The following CTNNA3 variants were observed in gnomAD, a reference collection of about 807,000 sequenced individuals.
CTNNA3 encodes catenin alpha 3, also known as catenin alpha-3.
CTNNA3 carries 76 observed loss-of-function variants against 95.7 expected under a neutral mutation model. The observed-to-expected ratio is 0.79, with a 90% CI of 0.66 to 0.96. The LOEUF (loss-of-function observed/expected upper bound fraction) is 0.96, where lower values mean the gene tolerates loss of function less well. CTNNA3 is among the 40% of genes least tolerant of loss of function. The pLI is 0.00. For missense variants in CTNNA3, 1,191 were observed against 1,089.8 expected, an observed-to-expected ratio of 1.09 and a Z score of -1.31; for synonymous variants, 431 against 374.4, an observed-to-expected ratio of 1.15 and a Z score of -1.74.
chr10:66,845,467 GC>G (rs1325764995), intron 7 of CTNNA3, among the ~76,000 whole-genome samples: 1 of 151,964 alleles, frequency 6.6e-6, no homozygotes, highest in Non-Finnish European at 1.5e-5. Context: ...ACTTTGGGAG[GC>G]CGAGGCAGGT....
intron 5 of CTNNA3, among the ~76,000 whole-genome samples, chr10:67,350,274 G>GTT (rs1375114038): frequency 2.6e-5 from 4 of 151,996 alleles, no homozygotes; most frequent in Admixed American, 1.3e-4. Context: ...AATCAGTAAA[G>GTT]GGTCATGAAC....
At chr10:67,176,934 CA>C (rs754435090) in intron 7 of CTNNA3, 1 of 507,596 alleles carries the variant, frequency 2.0e-6, no homozygotes, top group Non-Finnish European at 3.9e-6. Flanking sequence ...ATTCCTCCAA[CA>C]ATTTGATTTT....
intron 11 of CTNNA3, among the ~76,000 whole-genome samples, chr10:66,433,493 T>C: frequency 6.6e-6 from 1 of 152,204 alleles, no homozygotes; most frequent in Non-Finnish European, 1.5e-5. Flanking sequence ...TTGATGGGGT[T>C]GTTTTTCTCT....
At chr10:67,428,805 C>T (rs963974615) in intron 5 of CTNNA3, among the ~76,000 whole-genome samples, 35 of 152,074 alleles carry the variant, frequency 2.3e-4, no homozygotes, top group African/African-American at 8.0e-4. Context: ...TGGGGCTAGC[C>T]TACCAGCCTA....
intron 13 of CTNNA3, among the ~76,000 whole-genome samples, chr10:66,197,223 A>G (rs1455661580): frequency 6.6e-6 from 1 of 152,228 alleles, no homozygotes; most frequent in Non-Finnish European, 1.5e-5. Flanking sequence ...CAAAAAAACA[A>G]AACAGAGTGT....
At chr10:66,254,400 T>C (rs7097503) in intron 13 of CTNNA3, among the ~76,000 whole-genome samples, 67,916 of 151,894 alleles carry the variant, frequency 0.45, 16,330 homozygotes, top group African/African-American at 0.63. Context: ...AAAATATCTA[T>C]AAATGTAATC....
At chr10:66,681,809 C>CT (rs751839258) in intron 9 of CTNNA3, among the ~76,000 whole-genome samples, 1 of 152,050 alleles carries the variant, frequency 6.6e-6, no homozygotes, top group Non-Finnish European at 1.5e-5. Context: ...CTGATTTTTT[C>CT]TTTTCATGTA....
At chr10:66,926,303 T>G in intron 7 of CTNNA3, 7 of 439,118 alleles carry the variant, frequency 1.6e-5, no homozygotes, top group African/African-American at 2.1e-5. Flanking sequence ...CAAAAAACTG[T>G]AAAGATGCAA....
chr10:66,690,093 A>G (rs1248342136), intron 9 of CTNNA3, among the ~76,000 whole-genome samples: 2 of 152,100 alleles, frequency 1.3e-5, no homozygotes, highest in Non-Finnish European at 2.9e-5. Context: ...AGGAGTCTTA[A>G]AGCTTAATAA....
At chr10:66,241,395 C>T (rs182302951) in intron 13 of CTNNA3, among the ~76,000 whole-genome samples, 132 of 151,868 alleles carry the variant, frequency 8.7e-4, no homozygotes, top group African/African-American at 3.1e-3. Flanking sequence ...TAAAGGTTGA[C>T]CTTTTCAATC....
At chr10:66,000,436 C>A (rs1030549590) in intron 15 of CTNNA3, among the ~76,000 whole-genome samples, 3 of 152,042 alleles carry the variant, frequency 2.0e-5, no homozygotes, top group South Asian at 2.1e-4. Context: ...GTCATTTTGT[C>A]TTTTTAAGGA....
chr10:66,091,835 G>GA (rs1025607041), intron 14 of CTNNA3, among the ~76,000 whole-genome samples: 9 of 149,292 alleles, frequency 6.0e-5, no homozygotes, highest in Admixed American at 2.0e-4. Flanking sequence ...ATTCCTTGAG[G>GA]AAAAAAAAAT....
intron 13 of CTNNA3, among the ~76,000 whole-genome samples, chr10:66,136,199 G>T (rs1048537618): frequency 6.6e-6 from 1 of 152,140 alleles, no homozygotes; most frequent in African/African-American, 2.4e-5. Context: ...ACCGCGCCAG[G>T]CCACGTAACA....
intron 15 of CTNNA3, among the ~76,000 whole-genome samples, chr10:66,053,463 G>A (rs2080006398): frequency 6.6e-6 from 1 of 151,888 alleles, no homozygotes; most frequent in Admixed American, 6.6e-5. Flanking sequence ...ACGCATCATG[G>A]AGCATGGGGT....
chr10:67,571,389 C>T (rs1841971105), intron 3 of CTNNA3, among the ~76,000 whole-genome samples: 8 of 152,030 alleles, frequency 5.3e-5, no homozygotes, highest in Admixed American at 5.2e-4. Flanking sequence ...TTTGAAATTG[C>T]TTGAGAATAA....
At chr10:66,947,953 T>A (rs190562431) in intron 7 of CTNNA3, among the ~76,000 whole-genome samples, 2 of 152,220 alleles carry the variant, frequency 1.3e-5, no homozygotes, top group Non-Finnish European at 2.9e-5. Context: ...CTAGGCTATA[T>A]GGTATAGGCT....
At chr10:66,760,710 A>G (rs1322690418) in intron 9 of CTNNA3, among the ~76,000 whole-genome samples, 1 of 152,182 alleles carries the variant, frequency 6.6e-6, no homozygotes, top group African/African-American at 2.4e-5. Flanking sequence ...AGAAATCACT[A>G]CAACATGGAA....
intron 10 of CTNNA3, among the ~76,000 whole-genome samples, chr10:66,563,622 C>G (rs562393980): frequency 7.9e-5 from 12 of 152,020 alleles, no homozygotes; most frequent in Non-Finnish European, 1.6e-4. Context: ...AACCCTCCTC[C>G]GATTCTATTC....
intron 3 of CTNNA3, among the ~76,000 whole-genome samples, chr10:67,580,170 G>C (rs1307857043): frequency 6.6e-6 from 1 of 152,214 alleles, no homozygotes; most frequent in South Asian, 2.1e-4. Flanking sequence ...TTTTCTTCTA[G>C]GGCTCTTATG....
Sources: allele counts gnomAD v4.1 joint callset (sites outside exome capture counted in the v4.1 genomes callset), GRCh38; gene constraint gnomAD v4.1.1; transcripts MANE v1.5; gene names NCBI Gene and HGNC (gene_info 2026-07-23, HGNC 2026-07-21).